The following SEPTIN9 variants were observed in gnomAD, a reference collection of about 807,000 sequenced individuals.
The protein encoded by SEPTIN9 is septin 9.
A neutral mutation model predicts 56.6 loss-of-function variants in SEPTIN9; 13 were observed. That is an observed-to-expected ratio of 0.23 (90% CI 0.15 to 0.37). SEPTIN9 has a LOEUF of 0.37. Ranked by LOEUF, SEPTIN9 falls within the 10% of genes least tolerant of loss-of-function variation. The pLI is 1.00. For missense variants in SEPTIN9, 650 were observed against 823.1 expected (o/e 0.79, Z 2.57); for synonymous variants, 332 against 334.1 (o/e 0.99, Z 0.07).
rs781165006 is a variant in SEPTIN9, at chr17:77,499,350, C to T, written c.*692C>T. The T allele has an allele frequency of 7.1e-5, 42 of 589,088 alleles. No individual in the cohort carries two copies. Among genetic ancestry groups the T allele is most frequent in the Admixed American group, 2.1e-4 (11 of 52,824 alleles). The allele number at this position is 589,088 out of a possible 1,614,324, so 36.5% of individuals were successfully genotyped here. On this transcript the variant is annotated 3_prime_UTR_variant, in exon 12 of 12. Transcript: ENST00000427177. ...CGGGGACAGGCTGGAATGAGGGAGG[C>T]GTCTTCATCTCCCTGCCATCCCCCT...
chr17:77,428,948 C>A, intron 3 of SEPTIN9: 1 of 449,058 alleles, frequency 2.2e-6, no homozygotes, highest in Non-Finnish European at 4.7e-6. Flanking sequence ...AAGAAGCAGA[C>A]ATGTCACAGC....
chr17:77,288,063 A>AGG, intron 1 of SEPTIN9: 4 of 1,063,186 alleles, frequency 3.8e-6, no homozygotes, highest in Non-Finnish European at 4.6e-6. Flanking sequence ...GTGCTGGGTT[A>AGG]GGGGGCACGG....
intron 2 of SEPTIN9, chr17:77,373,256 G>A (rs1045663704): frequency 4.4e-6 from 5 of 1,141,044 alleles, no homozygotes; most frequent in Admixed American, 4.9e-5. Flanking sequence ...GTGCGGGTGC[G>A]GGAACCTGAT....
Position 77,451,506 on chromosome 17 carries a change from C to T in SEPTIN9, c.722-30638C>T. On this transcript the variant is annotated intron_variant, in intron 3 of 11. Transcript: ENST00000427177. The surrounding 1 kb of genome is among the most constrained non-coding windows in gnomAD (Gnocchi z 4.2). The stretch of plus-strand genomic sequence containing the variant: ...GCCGCGGCTCTCGGCGCGTCCAGCG[C>T]AGCCCGACGTTCCGCTGCTGGGGTG... 1 of 985,842 alleles carries T rather than the reference C, an allele frequency of 1.0e-6. No individual in the cohort carries two copies. The highest frequency in any genetic ancestry group is 1.2e-6 in the Non-Finnish European group (1 of 830,224). The allele number at this position is 985,842 out of a possible 1,614,324, so 61.1% of individuals were successfully genotyped here.
At position 77,329,864 on chromosome 17, in the gene SEPTIN9, G is replaced by A. The variant is rs369563804; in HGVS notation, c.76+22667G>A. Among the ~76,000 whole-genome samples, 193 of 152,322 alleles carry A rather than the reference G, an allele frequency of 1.3e-3. 1 individual carries two copies. Among genetic ancestry groups the A allele is most frequent in the East Asian group, 4.8e-3 (25 of 5,176 alleles). ...TATTTACAGCACCAGCCAAGGCTTC[G>A]GGGTTTGGACACCATCCCTGGGAGG... On this transcript the variant is annotated intron_variant, in intron 2 of 11. Transcript: ENST00000427177. This position sits in a 1 kb window ranked among gnomAD's most constrained non-coding sequence, Gnocchi z 4.3.
At chr17:77,484,949 CTGGTGATTGTGGTGGTGAAGGGGGT>C (rs2039663582) in intron 4 of SEPTIN9, among the ~76,000 whole-genome samples, 3 of 876 alleles carry the variant, frequency 3.4e-3, no homozygotes, top group South Asian at 0.091. Context: ...GGGAGTGATG[CTGGTGATTGTGGTGGTGAAGGGGGT>C]GATGGTGGTG....
chr17:77,325,516 C>G (rs760749443), intron 2 of SEPTIN9, among the ~76,000 whole-genome samples: 2 of 152,154 alleles, frequency 1.3e-5, no homozygotes, highest in Non-Finnish European at 1.5e-5. Flanking sequence ...TGCTCCCTAC[C>G]GGGAAAGCCT....
chr17:77,296,343 G>A (rs1229568544), intron 1 of SEPTIN9, among the ~76,000 whole-genome samples: 1 of 152,188 alleles, frequency 6.6e-6, no homozygotes, highest in African/African-American at 2.4e-5. Flanking sequence ...GGAGATGGAT[G>A]GATGGATGGA....
At chr17:77,420,535 C>T (rs1380470151) in intron 3 of SEPTIN9, among the ~76,000 whole-genome samples, 2 of 152,164 alleles carry the variant, frequency 1.3e-5, no homozygotes, top group Non-Finnish European at 2.9e-5. Flanking sequence ...CCTGGGAATC[C>T]TCAGCCCAAC....
At position 77,425,845 on chromosome 17, in the gene SEPTIN9, C is replaced by G. The variant is rs1010413334; in HGVS notation, c.721+23142C>G. Among the ~76,000 whole-genome samples, 4 of 152,350 alleles carry G rather than the reference C, an allele frequency of 2.6e-5. No individual in the cohort carries two copies. The highest frequency in any genetic ancestry group is 3.9e-4 in the East Asian group (2 of 5,170). On this transcript the variant is annotated intron_variant, in intron 3 of 11. Coordinates refer to ENST00000427177, the MANE Select transcript of SEPTIN9 (RefSeq NM_001113491.2). This position sits in a 1 kb window ranked among gnomAD's most constrained non-coding sequence, Gnocchi z 4.2. ...AAGGTTGGCCCAGCTGTGTCTGACCCTGGTTGTGCGGTCTTGGACAGTCCC... is the reference window on the plus strand; with the variant it reads ...AAGGTTGGCCCAGCTGTGTCTGACCGTGGTTGTGCGGTCTTGGACAGTCCC...
At chr17:77,331,047 A>G (rs900046134) in intron 2 of SEPTIN9, among the ~76,000 whole-genome samples, 13 of 152,204 alleles carry the variant, frequency 8.5e-5, no homozygotes, top group Non-Finnish European at 1.8e-4. Flanking sequence ...ATTGCTGTTG[A>G]CAATAATTAA....
In SEPTIN9 at chr17:77,484,961, G is replaced by A. The variant is rs1433517969; in HGVS notation, c.914-2463G>A. Among the ~76,000 whole-genome samples, 12 of 41,308 alleles carry A rather than the reference G, an allele frequency of 2.9e-4. 1 individual carries two copies. Among genetic ancestry groups the A allele is most frequent in the Admixed American group, 1.4e-3 (6 of 4,260 alleles). 27.1% of individuals were successfully genotyped at this position (41,308 alleles called of 152,430 possible). A position where few individuals can be genotyped will look rare whatever the true frequency, so the allele number is the denominator to read the frequency against. ...GATGGGAGTGATGCTGGTGATTGTG[G>A]TGGTGAAGGGGGTGATGGTGGTGAT... On this transcript the variant is annotated intron_variant, in intron 4 of 11. Transcript: ENST00000427177.
chr17:77,363,803 A>G (rs914489446), intron 2 of SEPTIN9, among the ~76,000 whole-genome samples: 1 of 151,904 alleles, frequency 6.6e-6, no homozygotes, highest in African/African-American at 2.4e-5. Flanking sequence ...GGTCCCCAGA[A>G]CCAAGGAGCA....
chr17:77,402,857 G>C lies in SEPTIN9; in HGVS notation c.721+154G>C, dbSNP rs572567866. Among the ~76,000 whole-genome samples the C allele has an allele frequency of 6.6e-6, 1 of 152,212 alleles. No homozygotes were observed. The highest frequency in any genetic ancestry group is 1.5e-5 in the Non-Finnish European group (1 of 68,038). The stretch of plus-strand genomic sequence containing the variant: ...CCGGAATGCATGGGGGTGGGGGTCT[G>C]CAAGCTCAGGAGAGGTGGCTCTCTC... On this transcript the variant is annotated intron_variant, in intron 3 of 11. Coordinates refer to ENST00000427177, the MANE Select transcript of SEPTIN9 (RefSeq NM_001113491.2). The surrounding 1 kb of genome is among the most constrained non-coding windows in gnomAD (Gnocchi z 6.6).
At chr17:77,342,987 ATCTG>A (rs1017118260) in intron 2 of SEPTIN9, among the ~76,000 whole-genome samples, 3 of 131,334 alleles carry the variant, frequency 2.3e-5, no homozygotes, top group East Asian at 2.3e-4. Context: ...AAATCAATGT[ATCTG>A]TCTGTCTGTC....
intron 2 of SEPTIN9, among the ~76,000 whole-genome samples, chr17:77,315,627 C>T (rs367634247): frequency 6.6e-6 from 1 of 152,202 alleles, no homozygotes; most frequent in Non-Finnish European, 1.5e-5. Context: ...CCCTGGCTGA[C>T]GCAAAGCAGG....
Position 77,429,011 on chromosome 17 carries a change from C to T in SEPTIN9, c.721+26308C>T, listed in dbSNP as rs779380780. 1.5e-5 allele frequency: 7 copies of T among 471,376 alleles called. No homozygotes were observed. The highest frequency in any genetic ancestry group is 3.2e-4 in the Middle Eastern group (1 of 3,082). The allele number at this position is 471,376 out of a possible 1,614,324, so 29.2% of individuals were successfully genotyped here. On this transcript the variant is annotated intron_variant, in intron 3 of 11. Transcript: ENST00000427177. This position sits in a 1 kb window ranked among gnomAD's most constrained non-coding sequence, Gnocchi z 5.2. ...GTGGTAAGCCGTCAGAGGAGGCAGCCGGTGAGAATGGGAGCATCTCAGCAG... is the reference window on the plus strand; with the variant it reads ...GTGGTAAGCCGTCAGAGGAGGCAGCTGGTGAGAATGGGAGCATCTCAGCAG...
chr17:77,397,107 C>T (rs2035742859), intron 2 of SEPTIN9: 1 of 154,832 alleles, frequency 6.5e-6, no homozygotes, highest in South Asian at 2.0e-4. Context: ...TGTCCTGGGG[C>T]TGCTGGAACA....
At chr17:77,376,773 TG>T (rs1396796513) in intron 2 of SEPTIN9, 3 of 152,218 alleles carry the variant, frequency 2.0e-5, no homozygotes, top group Admixed American at 2.0e-4. Context: ...AAGCCGTCCG[TG>T]GGCCTGTGTG....
Sources: gnomAD v4.1 joint callset for allele counts (sites outside exome capture counted in the v4.1 genomes callset) on GRCh38, gnomAD v4.1.1 for gene constraint, Gnocchi (gnomAD v3.1) non-coding constraint, MANE v1.5 for transcripts, NCBI Gene and HGNC (gene_info 2026-07-23, HGNC 2026-07-21) for gene names.